Variants in XKR4 observed in about 807,000 individuals in gnomAD.
The protein encoded by XKR4 is XK-related protein 4.
In XKR4, 12 loss-of-function variants were observed where a neutral mutation model predicts 53.9. That is an observed-to-expected ratio of 0.22 (90% CI 0.14 to 0.36). XKR4 has a LOEUF of 0.36. Among genes scored for constraint, XKR4 ranks in the 10% least tolerant of loss-of-function variants. The probability of loss-of-function intolerance (pLI) is 1.00; values close to 1 mark genes in which losing one functional copy is unlikely to be tolerated. For synonymous variants in XKR4, 354 were observed against 362.4 expected, an observed-to-expected ratio of 0.98 and a Z score of 0.26; for missense variants, 799 against 859.5, an observed-to-expected ratio of 0.93 and a Z score of 0.88.
At chr8:55,358,325 G>A (rs891573346) in intron 2 of XKR4, among the ~76,000 whole-genome samples, 11 of 151,898 alleles carry the variant, frequency 7.2e-5, no homozygotes, top group African/African-American at 2.7e-4. Context: ...TTGAGAGAGA[G>A]AGAGAGACAA....
intron 2 of XKR4, among the ~76,000 whole-genome samples, chr8:55,421,558 G>A (rs764150292): frequency 6.6e-6 from 1 of 152,118 alleles, no homozygotes; most frequent in East Asian, 1.9e-4. Context: ...TCTTTCCAGG[G>A]ACACGTCAAC....
At chr8:55,317,782 C>T (rs1177983790) in intron 1 of XKR4, among the ~76,000 whole-genome samples, 1 of 152,156 alleles carries the variant, frequency 6.6e-6, no homozygotes, top group East Asian at 1.9e-4. Context: ...GTGGAAATCA[C>T]CCAGCAATAC....
At chr8:55,166,854 A>G (rs1817072233) in intron 1 of XKR4, among the ~76,000 whole-genome samples, 1 of 152,212 alleles carries the variant, frequency 6.6e-6, no homozygotes, top group South Asian at 2.1e-4. Flanking sequence ...TAGAGCACAG[A>G]TTATCTTTTG....
chr8:55,369,557 G>C (rs1029745591), intron 2 of XKR4, among the ~76,000 whole-genome samples: 1 of 115,406 alleles, frequency 8.7e-6, no homozygotes, highest in Non-Finnish European at 1.7e-5. Context: ...GAAAGAAAGG[G>C]AAGGAAGGGA....
chr8:55,120,536 C>T (rs773185614), intron 1 of XKR4, among the ~76,000 whole-genome samples: 2 of 118,578 alleles, frequency 1.7e-5, no homozygotes. Flanking sequence ...CTTTTGAGAC[C>T]CCTGTCACCT....
intron 1 of XKR4, among the ~76,000 whole-genome samples, chr8:55,344,974 G>C (rs1377985419): frequency 6.6e-6 from 1 of 152,168 alleles, no homozygotes; most frequent in East Asian, 1.9e-4. Flanking sequence ...AGGAGACCAG[G>C]TGCAGTGGCT....
chr8:55,415,211 T>C (rs1333785264), intron 2 of XKR4, among the ~76,000 whole-genome samples: 2 of 152,216 alleles, frequency 1.3e-5, no homozygotes, highest in African/African-American at 2.4e-5. Flanking sequence ...TATCTGAGAT[T>C]ATTCAGATCA....
At chr8:55,181,617 G>C (rs116125100) in intron 1 of XKR4, among the ~76,000 whole-genome samples, 1 of 152,284 alleles carries the variant, frequency 6.6e-6, no homozygotes, top group African/African-American at 2.4e-5. Context: ...CATGAAGGTT[G>C]AGGCAGTAAT....
At chr8:55,322,021 T>TTATCTTTACAATTG (rs1803223817) in intron 1 of XKR4, among the ~76,000 whole-genome samples, 1 of 151,762 alleles carries the variant, frequency 6.6e-6, no homozygotes, top group Non-Finnish European at 1.5e-5. Flanking sequence ...AAAAAATAAC[T>TTATCTTTACAATTG]TATCTTTACA....
chr8:55,493,861 G>A (rs1806304787), intron 2 of XKR4, among the ~76,000 whole-genome samples: 1 of 152,130 alleles, frequency 6.6e-6, no homozygotes, highest in Non-Finnish European at 1.5e-5. Context: ...TGCTCACTGT[G>A]GTATTAATTG....
chr8:55,451,954 C>T, intron 2 of XKR4: 1 of 774,004 alleles, frequency 1.3e-6, no homozygotes, highest in South Asian at 1.4e-5. Flanking sequence ...GTGCTCCTAG[C>T]TGAGTTGGGG....
At chr8:55,272,730 C>T (rs1239845455) in intron 1 of XKR4, among the ~76,000 whole-genome samples, 1 of 152,196 alleles carries the variant, frequency 6.6e-6, no homozygotes. Context: ...CATAAACATT[C>T]TCAGACCCTT....
intron 2 of XKR4, among the ~76,000 whole-genome samples, chr8:55,392,498 A>G (rs947523102): frequency 3.9e-5 from 6 of 152,228 alleles, no homozygotes; most frequent in African/African-American, 1.2e-4. Context: ...TTACTATTAA[A>G]AATTAAAAGA....
chr8:55,140,982 C>T (rs1344280377), intron 1 of XKR4, among the ~76,000 whole-genome samples: 1 of 152,014 alleles, frequency 6.6e-6, no homozygotes, highest in African/African-American at 2.4e-5. Flanking sequence ...ACTCACATAC[C>T]ACACAATTCA....
chr8:55,125,256 G>A (rs2129352401), intron 1 of XKR4, among the ~76,000 whole-genome samples: 1 of 151,974 alleles, frequency 6.6e-6, no homozygotes, highest in South Asian at 2.1e-4. Flanking sequence ...TTGAGATGGA[G>A]TTTCGCCCTT....
At position 55,102,131 on chromosome 8, in the gene XKR4, C is replaced by A. The variant is rs1443351307; in HGVS notation, c.-358C>A. Reference sequence around the variant, plus strand: ...CAGGTCCGAGGAGCGCCGCGGCGGCCGCTGCTGCTCCTGCTGCTGGCGGCG... The same window carrying A: ...CAGGTCCGAGGAGCGCCGCGGCGGCAGCTGCTGCTCCTGCTGCTGGCGGCG... On this transcript the variant is annotated 5_prime_UTR_variant, in exon 1 of 3. Transcript: ENST00000327381. This position sits in a 1 kb window ranked among gnomAD's most constrained non-coding sequence, Gnocchi z 5.1. Among the ~76,000 whole-genome samples, 1 of 150,920 alleles carries A rather than the reference C, an allele frequency of 6.6e-6. No homozygotes were observed. Among genetic ancestry groups the A allele is most frequent in the Admixed American group, 6.6e-5 (1 of 15,174 alleles).
At chr8:55,198,361 G>T (rs1817531729) in intron 1 of XKR4, among the ~76,000 whole-genome samples, 1 of 151,976 alleles carries the variant, frequency 6.6e-6, no homozygotes, top group Admixed American at 6.6e-5. Context: ...TATGGAATAT[G>T]GTATGGATGA....
At chr8:55,213,856 C>CTTTTTTTTTTTTTTTTTTTT (rs11433893) in intron 1 of XKR4, among the ~76,000 whole-genome samples, 64 of 82,350 alleles carry the variant, frequency 7.8e-4, no homozygotes, top group East Asian at 2.8e-3. Context: ...TTCTTTCTTT[C>CTTTTTTTTTTTTTTTTTTTT]TTTTTTTTTT....
chr8:55,427,468 C>T (rs1237434841), intron 2 of XKR4, among the ~76,000 whole-genome samples: 2 of 152,182 alleles, frequency 1.3e-5, no homozygotes, highest in Non-Finnish European at 2.9e-5. Context: ...GCCTCGACCT[C>T]CCAAAGTGCT....
Sources: gnomAD v4.1 joint callset for allele counts (sites outside exome capture counted in the v4.1 genomes callset) on GRCh38, gnomAD v4.1.1 for gene constraint, Gnocchi (gnomAD v3.1) non-coding constraint, MANE v1.5 for transcripts, NCBI Gene and HGNC (gene_info 2026-07-23, HGNC 2026-07-21) for gene names.